Variants in ATP2B1 observed in about 807,000 individuals in gnomAD.
ATP2B1 encodes ATPase plasma membrane Ca2+ transporting 1, also known as plasma membrane calcium-transporting ATPase 1.
A neutral mutation model predicts 124.2 loss-of-function variants in ATP2B1; 14 were observed. The ratio of observed to expected loss-of-function variants is 0.11; its 90% CI spans 0.07 to 0.18. ATP2B1 has a LOEUF of 0.18. Among genes scored for constraint, ATP2B1 ranks in the 10% least tolerant of loss-of-function variants. ATP2B1 has a pLI of 1.00. For synonymous variants in ATP2B1, 449 were observed against 492.4 expected, an observed-to-expected ratio of 0.91 and a Z score of 1.17; for missense variants, 763 against 1,466.1, an observed-to-expected ratio of 0.52 and a Z score of 7.83.
chr12:89,602,829 CTGTT>C (rs1423179680), intron 18 of ATP2B1, among the ~76,000 whole-genome samples: 4 of 152,010 alleles, frequency 2.6e-5, no homozygotes, highest in African/African-American at 2.4e-5. Flanking sequence ...AGAAATAAAA[CTGTT>C]TGTCTAGTTG....
At chr12:89,693,358 T>C (rs1443913782) in intron 1 of ATP2B1, among the ~76,000 whole-genome samples, 3 of 152,208 alleles carry the variant, frequency 2.0e-5, no homozygotes, top group Admixed American at 6.5e-5. Flanking sequence ...TGGAGCAGTA[T>C]AGAAGGCTCA....
At chr12:89,689,786 A>G (rs1008147682) in intron 1 of ATP2B1, among the ~76,000 whole-genome samples, 1 of 152,102 alleles carries the variant, frequency 6.6e-6, no homozygotes, top group African/African-American at 2.4e-5. Flanking sequence ...CCTTCCTCAT[A>G]CACATAGTAC....
At chr12:89,591,392 A>G in intron 20 of ATP2B1, 97 bp from the exon 21 acceptor site, 1 of 1,058,790 alleles carries the variant, frequency 9.4e-7, no homozygotes, top group South Asian at 1.6e-5. Flanking sequence ...GCTAGGTATG[A>G]GTGAATCATA....
intron 1 of ATP2B1, among the ~76,000 whole-genome samples, chr12:89,686,818 G>A (rs1225674618): frequency 1.3e-5 from 2 of 152,028 alleles, no homozygotes; most frequent in Admixed American, 6.6e-5. Context: ...GTGACAATAA[G>A]TGTTATTACA....
intron 1 of ATP2B1, among the ~76,000 whole-genome samples, chr12:89,707,204 A>T (rs954953125): frequency 6.6e-6 from 1 of 152,206 alleles, no homozygotes; most frequent in Non-Finnish European, 1.5e-5. Flanking sequence ...GAAGGCTGGC[A>T]TCGGGGCAAG....
chr12:89,697,440 C>G (rs568469123), intron 1 of ATP2B1, among the ~76,000 whole-genome samples: 53 of 152,262 alleles, frequency 3.5e-4, no homozygotes, highest in Non-Finnish European at 2.4e-4. Context: ...AATGTTCCTT[C>G]ATGTCCACAT....
At chr12:89,682,545 C>A (rs1889486618) in intron 1 of ATP2B1, among the ~76,000 whole-genome samples, 1 of 152,162 alleles carries the variant, frequency 6.6e-6, no homozygotes, top group South Asian at 2.1e-4. Context: ...AGAAACAGAT[C>A]TAACTACATA....
intron 1 of ATP2B1, among the ~76,000 whole-genome samples, chr12:89,701,101 C>T (rs556012905): frequency 6.6e-6 from 1 of 152,282 alleles, no homozygotes; most frequent in African/African-American, 2.4e-5. Context: ...TAATCCATTG[C>T]TATACTCTAA....
At chr12:89,673,546 T>C (rs754230149) in intron 1 of ATP2B1, among the ~76,000 whole-genome samples, 2 of 152,296 alleles carry the variant, frequency 1.3e-5, no homozygotes, top group Non-Finnish European at 2.9e-5. Context: ...ACAAATCCTG[T>C]CCATAAAACA....
At chr12:89,613,927 T>C (rs1437483718) in intron 12 of ATP2B1, among the ~76,000 whole-genome samples, 1 of 152,226 alleles carries the variant, frequency 6.6e-6, no homozygotes, top group African/African-American at 2.4e-5. Flanking sequence ...CCACCAGAAT[T>C]GCACTGTACA....
chr12:89,621,625 T>A lies in ATP2B1; in HGVS notation c.1511A>T (p.Glu504Val). Residue 504 changes from glutamate to valine, a missense_variant, in exon 10 of 21, where the codon GAA becomes GTA. Physicochemically the swap from Glu to Val is moderately radical, Grantham distance 121 (BLOSUM62 -2). Coordinates refer to ENST00000428670, the MANE Select transcript of ATP2B1 (RefSeq NM_001366521.1). ...EKHYKKVPEP[E>V]AIPPNILSYL... is the part of the protein sequence containing the mutation. ...GGACAAAATATTTGGTGGAATAGCT[T>A]CTGGTTCAGGAACCTTTTTATAATG... 6.2e-7 allele frequency: 1 copy of A among 1,611,976 alleles called. No individual in the cohort carries two copies. The highest frequency in any genetic ancestry group is 8.5e-7 in the Non-Finnish European group (1 of 1,178,618).
At chr12:89,704,951 C>T (rs539815457) in intron 1 of ATP2B1, among the ~76,000 whole-genome samples, 3 of 152,034 alleles carry the variant, frequency 2.0e-5, no homozygotes, top group Admixed American at 6.5e-5. Flanking sequence ...AAATTCGATT[C>T]GATTACCTGT....
intron 18 of ATP2B1, 129 bp from the exon 19 acceptor site, chr12:89,601,562 T>C (rs1875849738): frequency 4.1e-6 from 2 of 490,606 alleles, no homozygotes; most frequent in Non-Finnish European, 6.9e-6. Context: ...TGTATTATAT[T>C]AGTCACAACT....
At position 89,604,296 on chromosome 12, in the gene ATP2B1, T is replaced by G. The variant is rs763795802; in HGVS notation, c.2493A>C (p.Thr831=). ...VAKEASDIIL[T]DDNFTSIVKA... ...TAACAATGCTTGTAAAGTTGTCATC[T>G]GTGAGAATAATATCGGATGCTTCTT... The change falls in exon 16 of 21, where the codon ACA becomes ACC. Residue 831 remains threonine, a synonymous_variant. Coordinates refer to ENST00000428670, the MANE Select transcript of ATP2B1 (RefSeq NM_001366521.1). 2 of 1,613,528 alleles carry G rather than the reference T, an allele frequency of 1.2e-6. No individual in the cohort carries two copies. Among genetic ancestry groups the G allele is most frequent in the Non-Finnish European group, 1.7e-6 (2 of 1,179,852 alleles).
At chr12:89,690,374 AG>A (rs1374760396) in intron 1 of ATP2B1, among the ~76,000 whole-genome samples, 1 of 151,770 alleles carries the variant, frequency 6.6e-6, no homozygotes, top group Non-Finnish European at 1.5e-5. Context: ...TCTGTATAAA[AG>A]TCTTATTAAT....
At chr12:89,700,012 AT>A (rs34709694) in intron 1 of ATP2B1, among the ~76,000 whole-genome samples, 449 of 133,216 alleles carry the variant, frequency 3.4e-3, no homozygotes, top group Middle Eastern at 7.9e-3. Context: ...GCCTGGCTAA[AT>A]TTTTTTTTTT....
chr12:89,678,398 T>G (rs899285739), intron 1 of ATP2B1, among the ~76,000 whole-genome samples: 2 of 152,170 alleles, frequency 1.3e-5, no homozygotes, highest in Non-Finnish European at 2.9e-5. Flanking sequence ...CTAATGAGCC[T>G]GCAAACTAAG....
At chr12:89,683,202 A>G (rs929184202) in intron 1 of ATP2B1, among the ~76,000 whole-genome samples, 1 of 152,244 alleles carries the variant, frequency 6.6e-6, no homozygotes, top group African/African-American at 2.4e-5. Context: ...CAATCAATTC[A>G]CCAGCAATGT....
At chr12:89,677,830 TAA>T (rs1888798136) in intron 1 of ATP2B1, among the ~76,000 whole-genome samples, 2 of 151,614 alleles carry the variant, frequency 1.3e-5, no homozygotes, top group South Asian at 4.2e-4. Flanking sequence ...AAGGAAAGCA[TAA>T]AAGACAAGTT....
Sources: allele counts gnomAD v4.1 joint callset (sites outside exome capture counted in the v4.1 genomes callset), GRCh38; gene constraint gnomAD v4.1.1; transcripts MANE v1.5; gene names NCBI Gene and HGNC (gene_info 2026-07-23, HGNC 2026-07-21).